The following NUP37 variants were observed in gnomAD, a reference collection of about 807,000 sequenced individuals.
NUP37 encodes the protein nucleoporin 37, also known as nucleoporin Nup37.
NUP37 carries 33 observed loss-of-function variants against 45.4 expected under a neutral mutation model. The observed-to-expected ratio is 0.73, with a 90% CI of 0.55 to 0.97. The LOEUF is 0.97. NUP37 is among the 50% of genes least tolerant of loss of function. The pLI, the probability that NUP37 is intolerant of heterozygous loss-of-function variation, is 0.00. For missense variants in NUP37, 365 were observed against 389.7 expected (o/e 0.94, Z 0.53); for synonymous variants, 127 against 130.7 (o/e 0.97, Z 0.19).
At chr12:102,117,797 G>C (rs1880507612) in intron 2 of NUP37, among the ~76,000 whole-genome samples, 1 of 152,192 alleles carries the variant, frequency 6.6e-6, no homozygotes, top group South Asian at 2.1e-4. Context: ...CTAGTAAGAA[G>C]TAAGTAAAGC....
intron 5 of NUP37, among the ~76,000 whole-genome samples, chr12:102,097,479 A>T (rs1879838183): frequency 6.6e-6 from 1 of 152,210 alleles, no homozygotes; most frequent in African/African-American, 2.4e-5. Context: ...TATTCGACAA[A>T]ATAAAAAGTT....
intron 6 of NUP37, 87 bp from the exon 7 acceptor site, chr12:102,077,590 TA>T (rs1369675614): frequency 1.6e-6 from 2 of 1,273,808 alleles, no homozygotes; most frequent in Non-Finnish European, 2.2e-6. Flanking sequence ...TGTTGTACGG[TA>T]AAATGTAAAC....
chr12:102,098,621 TC>T (rs1475844710), intron 5 of NUP37, among the ~76,000 whole-genome samples: 1 of 151,750 alleles, frequency 6.6e-6, no homozygotes, highest in Non-Finnish European at 1.5e-5. Context: ...AACCTCAGCC[TC>T]CCAGGTTCAA....
Position 102,112,209 on chromosome 12 carries a change from GCC to G in NUP37, c.178_179del (p.Gly60HisfsTer4). ...TFQEEEADVEGIQYKTLRTFH... is the reference protein window; with the variant it reads ...TFQEEEADVEXIQYKTLRTFH... ...ATGTTCGAAGTGTTTTATACTGAAT[GCC>G]TTCAACGTCTGCTTCTTCTTCCTAA... On this transcript the variant is annotated frameshift_variant, in exon 3 of 10. Coordinates refer to ENST00000552283, the MANE Select transcript of NUP37 (RefSeq NM_024057.4). LOFTEE classifies it high-confidence loss of function. The G allele has an allele frequency of 6.2e-7, 1 of 1,612,770 alleles. No individual in the cohort carries two copies. The highest frequency in any genetic ancestry group is 8.5e-7 in the Non-Finnish European group (1 of 1,178,994).
chr12:102,078,314 GA>G (rs1322299220), intron 6 of NUP37, among the ~76,000 whole-genome samples: 1 of 147,384 alleles, frequency 6.8e-6, no homozygotes, highest in African/African-American at 2.5e-5. Context: ...CAACAAGAGC[GA>G]AATTCCTTCT....
chr12:102,107,575 A>G (rs1880189658), intron 3 of NUP37, among the ~76,000 whole-genome samples: 2 of 152,350 alleles, frequency 1.3e-5, no homozygotes, highest in South Asian at 4.1e-4. Flanking sequence ...ATATACACAC[A>G]GTAATGCTCA....
At chr12:102,099,644 G>T (rs1342519589) in intron 4 of NUP37, among the ~76,000 whole-genome samples, 1 of 152,096 alleles carries the variant, frequency 6.6e-6, no homozygotes, top group Non-Finnish European at 1.5e-5. Flanking sequence ...ACACAGGATG[G>T]ACTTCACCAT....
intron 6 of NUP37, among the ~76,000 whole-genome samples, chr12:102,080,346 TG>T (rs1879297228): frequency 6.6e-6 from 1 of 152,160 alleles, no homozygotes; most frequent in African/African-American, 2.4e-5. Context: ...CACTTGAGCC[TG>T]GGAAATAGAA....
At chr12:102,110,502 T>G (rs1880283338) in intron 3 of NUP37, among the ~76,000 whole-genome samples, 1 of 142,592 alleles carries the variant, frequency 7.0e-6, no homozygotes, top group African/African-American at 2.6e-5. Context: ...AGTGAGACCA[T>G]GTACCAAAAA....
chr12:102,119,818 G>C (rs1880695088), intron 1 of NUP37, among the ~76,000 whole-genome samples: 1 of 152,108 alleles, frequency 6.6e-6, no homozygotes. Flanking sequence ...CGTACACGTT[G>C]GACAGGACTT....
chr12:102,118,489 G>C lies in NUP37; in HGVS notation c.30C>G (p.Ala10=). 6.2e-7 allele frequency: 1 copy of C among 1,609,568 alleles called. No homozygotes were observed. The highest frequency in any genetic ancestry group is 8.5e-7 in the Non-Finnish European group (1 of 1,179,104). MKQDASRNA[A]YTVDCEDYVH... ...CATAATCTTCACAATCCACAGTGTA[G>C]GCAGCATTTCTTGAGGCATCTTGCT... The change falls in exon 2 of 10, where the codon GCC becomes GCG. Residue 10 remains alanine, a synonymous_variant. Coordinates refer to ENST00000552283, the MANE Select transcript of NUP37 (RefSeq NM_024057.4).
chr12:102,092,093 T>G (rs896344925), intron 5 of NUP37, among the ~76,000 whole-genome samples: 1 of 152,224 alleles, frequency 6.6e-6, no homozygotes, highest in Non-Finnish European at 1.5e-5. Context: ...TGTCCGAGGA[T>G]TCAACAGGAA....
intron 5 of NUP37, among the ~76,000 whole-genome samples, chr12:102,092,414 C>T (rs1345989503): frequency 1.3e-5 from 2 of 152,156 alleles, no homozygotes; most frequent in East Asian, 3.8e-4. Flanking sequence ...TTAGCAGGCA[C>T]TTTACAATGT....
chr12:102,101,103 A>G lies in NUP37; in HGVS notation c.283T>C (p.Phe95Leu). The change falls in exon 4 of 10, where the codon TTT becomes CTT. Residue 95 changes from phenylalanine (F) to leucine (L), a missense_variant and splice_region_variant. Phe to Leu is a conservative substitution (Grantham distance 22). Coordinates refer to ENST00000552283, the MANE Select transcript of NUP37 (RefSeq NM_024057.4). ...TTCATATCAGCAGCTGAAGTACAAA[A>G]TCTGGAAGCAAAAAAACAAAAATAT... is the stretch of plus-strand genomic sequence containing the variant. ...RLDSLPPVIK[F>L]CTSAADMKIR... is the part of the protein sequence containing the mutation. 1 of 1,557,526 alleles carries G rather than the reference A, an allele frequency of 6.4e-7. No homozygotes were observed. Among genetic ancestry groups the G allele is most frequent in the Non-Finnish European group, 8.7e-7 (1 of 1,149,778 alleles).
In NUP37 at chr12:102,075,003, G is replaced by A. The variant is rs1022133438; in HGVS notation, c.865C>T (p.Gln289Ter). ...QFQIHHLGHPQPILMGSVAVG... is the reference protein window; with the variant it reads ...QFQIHHLGHP ...GTTACAAAACATTTCCACATTACCTGAGGGTGTCCTAAATGATGAATTTGA... is the reference window on the plus strand; with the variant it reads ...GTTACAAAACATTTCCACATTACCTAAGGGTGTCCTAAATGATGAATTTGA... Residue 289 changes from glutamine (Q) to a stop codon, truncating the protein, a stop_gained and splice_region_variant, in exon 9 of 10, where the codon CAG becomes TAG. Transcript: ENST00000552283. LOFTEE classifies it high-confidence loss of function. The A allele has an allele frequency of 6.3e-7, 1 of 1,594,236 alleles. No homozygotes were observed. The highest frequency in any genetic ancestry group is 8.6e-7 in the Non-Finnish European group (1 of 1,166,898).
chr12:102,113,700 T>C, intron 2 of NUP37, among the ~76,000 whole-genome samples: 1 of 152,196 alleles, frequency 6.6e-6, no homozygotes, highest in East Asian at 1.9e-4. Context: ...TATGGTATTA[T>C]AAAGTATCAG....
At chr12:102,077,559 G>A (rs527668028) in intron 6 of NUP37, 56 bp from the exon 7 acceptor site, 1 of 1,474,524 alleles carries the variant, frequency 6.8e-7, no homozygotes, top group African/African-American at 1.4e-5. Context: ...AACTATACCT[G>A]AAGTGTAAGC....
At chr12:102,104,573 T>C (rs1880071002) in intron 3 of NUP37, among the ~76,000 whole-genome samples, 1 of 152,200 alleles carries the variant, frequency 6.6e-6, no homozygotes, top group Non-Finnish European at 1.5e-5. Flanking sequence ...TTCTCTCAGA[T>C]ATTTTCTTTT....
intron 6 of NUP37, among the ~76,000 whole-genome samples, chr12:102,081,092 G>A (rs1028092315): frequency 6.6e-6 from 1 of 152,046 alleles, no homozygotes; most frequent in African/African-American, 2.4e-5. Context: ...TCTGTGTTTC[G>A]GGTTCTTATC....
Sources: allele counts gnomAD v4.1 joint callset (sites outside exome capture counted in the v4.1 genomes callset), GRCh38; gene constraint gnomAD v4.1.1; transcripts MANE v1.5; gene names NCBI Gene and HGNC (gene_info 2026-07-23, HGNC 2026-07-21).